Variants in SERPINA3 observed in about 807,000 individuals in gnomAD.
The protein encoded by SERPINA3 is alpha-1-antichymotrypsin.
Under a neutral mutation model 26.8 loss-of-function variants are expected in SERPINA3, and 32 were observed. That is an observed-to-expected ratio of 1.20 (90% CI 0.90 to 1.61). The LOEUF is 1.61. Among genes scored for constraint, SERPINA3 ranks in the 40% most tolerant of loss-of-function variants. The probability of loss-of-function intolerance (pLI) is 0.00; values close to 1 mark genes in which losing one functional copy is unlikely to be tolerated. For missense variants in SERPINA3, 632 were observed against 517.9 expected, an observed-to-expected ratio of 1.22 and a Z score of -2.14; for synonymous variants, 252 against 206.4, an observed-to-expected ratio of 1.22 and a Z score of -1.89.
chr14:94,620,554 G>T (rs187305041), intron 3 of SERPINA3, among the ~76,000 whole-genome samples: 1 of 152,148 alleles, frequency 6.6e-6, no homozygotes, highest in African/African-American at 2.4e-5. Context: ...GCTGCGATCC[G>T]AGTGTTGTTT....
intron 4 of SERPINA3, 154 bp from the exon 5 acceptor site, chr14:94,623,457 G>T: frequency 2.7e-6 from 2 of 735,698 alleles, no homozygotes; most frequent in Non-Finnish European, 4.8e-6. Flanking sequence ...AAACTAGTTG[G>T]CAGGGGAGTT....
chr14:94,620,631 G>T (rs113220208), intron 3 of SERPINA3, among the ~76,000 whole-genome samples: 1 of 152,180 alleles, frequency 6.6e-6, no homozygotes, highest in East Asian at 1.9e-4. Flanking sequence ...AGTGACACCC[G>T]CAGGAACCAG....
In SERPINA3 at chr14:94,620,974, CT is replaced by C. The variant is rs1357371471; in HGVS notation, c.918-1364del. On this transcript the variant is annotated intron_variant, in intron 3 of 4. Transcript: ENST00000393078. ...TACCTCCTGAAGAGAAAGGAATGTC[CT>C]TTCCCCACCACCCCTGTTTTCACTG... Among the ~76,000 whole-genome samples the C allele has an allele frequency of 2.0e-5, 3 of 152,170 alleles. No individual in the cohort carries two copies. The East Asian group carries it at 5.8e-4, about 29-fold the overall frequency.
Position 94,616,528 on chromosome 14 carries a change from G to T in SERPINA3, c.643+1444G>T, listed in dbSNP as rs186873542. On this transcript the variant is annotated intron_variant, in intron 2 of 4. Coordinates refer to ENST00000393078, the MANE Select transcript of SERPINA3 (RefSeq NM_001085.5). ...GAGACAGTCCCAGCTCAGAACCCTGGAGTGCTTGTTCCCTCCCTTTCTGCT... is the reference window on the plus strand; with the variant it reads ...GAGACAGTCCCAGCTCAGAACCCTGTAGTGCTTGTTCCCTCCCTTTCTGCT... 9.5e-4 allele frequency among the ~76,000 whole-genome samples: 145 copies of T among 152,232 alleles called. 2 individuals carry two copies. The highest frequency in any genetic ancestry group is 3.3e-3 in the African/African-American group (136 of 41,534).
At chr14:94,613,772 C>T (rs1885872579) in intron 1 of SERPINA3, 1 of 152,492 alleles carries the variant, frequency 6.6e-6, no homozygotes, top group South Asian at 2.1e-4. Context: ...ATTTGCCTTT[C>T]TTTGGTCTTG....
At chr14:94,622,553 G>A in intron 4 of SERPINA3, 62 bp downstream of exon 4, 11 of 1,584,870 alleles carry the variant, frequency 6.9e-6, no homozygotes, top group Non-Finnish European at 9.5e-6. Context: ...GTGAAGGCCA[G>A]ATGGACTTTT....
chr14:94,615,387 T>C (rs1016355817), intron 2 of SERPINA3: 5 of 500,600 alleles, frequency 1.0e-5, no homozygotes, highest in Non-Finnish European at 1.9e-5. Flanking sequence ...GAGCTCTCCT[T>C]TCAAACCACT....
chr14:94,613,965 C>T (rs115646305), intron 1 of SERPINA3: 2,362 of 175,682 alleles, frequency 0.013, 48 homozygotes, highest in African/African-American at 0.053. Context: ...AGGGCTCCTT[C>T]ATCCCTGGGT....
chr14:94,622,877 A>G, intron 4 of SERPINA3: 1 of 325,060 alleles, frequency 3.1e-6, no homozygotes, highest in South Asian at 3.0e-5. Context: ...CCAATAGGTA[A>G]TAACAATGAT....
chr14:94,617,192 G>C (rs890428088), intron 2 of SERPINA3, among the ~76,000 whole-genome samples: 1 of 152,160 alleles, frequency 6.6e-6, no homozygotes, highest in African/African-American at 2.4e-5. Context: ...AATTGGTAAC[G>C]GGGACACCTG....
At position 94,623,722 on chromosome 14, in the gene SERPINA3, C is replaced by G; in HGVS notation, c.1180C>G (p.Arg394Gly). ...SALVETRTIV[R>G]FNRPFLMIIV... ...ATTAGTGGAGACAAGGACCATTGTG[C>G]GTTTCAACAGGCCCTTCCTGATGAT... is the stretch of plus-strand genomic sequence containing the variant. Residue 394 changes from arginine (R) to glycine (G), a missense_variant, in exon 5 of 5, where the codon CGT becomes GGT. By Grantham distance (125) the Arg-to-Gly change is moderately radical. Transcript: ENST00000393078. 6.2e-7 allele frequency: 1 copy of G among 1,614,112 alleles called. No homozygotes were observed. The highest frequency in any genetic ancestry group is 8.5e-7 in the Non-Finnish European group (1 of 1,179,976).
intron 2 of SERPINA3, 57 bp downstream of exon 2, chr14:94,615,141 T>G: frequency 6.3e-7 from 1 of 1,587,162 alleles, no homozygotes; most frequent in Non-Finnish European, 8.6e-7. Context: ...ATTTCTGTCC[T>G]GACTCAACAA....
At position 94,614,955 on chromosome 14, in the gene SERPINA3, G is replaced by A. The variant is rs770704622; in HGVS notation, c.514G>A (p.Asp172Asn). The change falls in exon 2 of 5, where the codon GAC becomes AAC. Residue 172 changes from aspartate (D) to asparagine (N), a missense_variant. Transcript: ENST00000393078. Reference sequence around the variant, plus strand: ...CGAGGCCTTTGCCACTGACTTTCAGGACTCAGCTGCAGCTAAGAAGCTCAT... The same window carrying A: ...CGAGGCCTTTGCCACTGACTTTCAGAACTCAGCTGCAGCTAAGAAGCTCAT... The part of the protein sequence containing the change: ...GSEAFATDFQ[D>N]SAAAKKLIND... 2 of 1,613,252 alleles carry A rather than the reference G, an allele frequency of 1.2e-6. No homozygotes were observed. The highest frequency in any genetic ancestry group is 3.3e-5 in the Admixed American group (2 of 60,012).
At chr14:94,618,010 G>A (rs1886063474) in intron 2 of SERPINA3, 1 of 152,120 alleles carries the variant, frequency 6.6e-6, no homozygotes, top group African/African-American at 2.4e-5. Context: ...ACAGGCTATA[G>A]TTTCCTGACC....
At chr14:94,613,887 G>A (rs532748745) in intron 1 of SERPINA3, 2 of 157,566 alleles carry the variant, frequency 1.3e-5, no homozygotes, top group African/African-American at 4.8e-5. Context: ...ACATCGTGGA[G>A]GCCTGTGGAG....
intron 3 of SERPINA3, 63 bp downstream of exon 3, chr14:94,619,531 G>A: frequency 6.3e-7 from 1 of 1,598,658 alleles, no homozygotes; most frequent in South Asian, 1.1e-5. Context: ...CCAATGTCCA[G>A]GGACAAGGGC....
intron 2 of SERPINA3, chr14:94,618,575 C>T (rs1278460272): frequency 1.2e-5 from 2 of 169,604 alleles, no homozygotes; most frequent in African/African-American, 4.8e-5. Context: ...ACACCGCTAT[C>T]CTCTAAGATG....
At chr14:94,620,685 G>A (rs1886167898) in intron 3 of SERPINA3, among the ~76,000 whole-genome samples, 1 of 152,242 alleles carries the variant, frequency 6.6e-6, no homozygotes, top group African/African-American at 2.4e-5. Flanking sequence ...GGATCCAGGA[G>A]GGAGCCATGC....
At chr14:94,621,142 G>A (rs1474918832) in intron 3 of SERPINA3, among the ~76,000 whole-genome samples, 2 of 152,142 alleles carry the variant, frequency 1.3e-5, no homozygotes, top group African/African-American at 4.8e-5. Context: ...TCTCGGGATT[G>A]CCTGACCCTC....
Sources: gnomAD v4.1 joint callset for allele counts (sites outside exome capture counted in the v4.1 genomes callset) on GRCh38, gnomAD v4.1.1 for gene constraint, MANE v1.5 for transcripts, NCBI Gene and HGNC (gene_info 2026-07-23, HGNC 2026-07-21) for gene names.